Variants in ATP10A observed in about 807,000 individuals in gnomAD.
ATP10A encodes the protein ATPase phospholipid transporting 10A (putative), also known as phospholipid-transporting ATPase VA.
In ATP10A, 111 loss-of-function variants were observed where a neutral mutation model predicts 147.8. The ratio of observed to expected loss-of-function variants is 0.75; its 90% CI spans 0.64 to 0.88. The LOEUF is 0.88. Ranked by LOEUF, ATP10A falls within the 40% of genes least tolerant of loss-of-function variation. The pLI is 0.00. For synonymous variants in ATP10A, 875 were observed against 841.6 expected, an observed-to-expected ratio of 1.04 and a Z score of -0.69; for missense variants, 1,927 against 1,959.0, an observed-to-expected ratio of 0.98 and a Z score of 0.31.
chr15:25,774,783 AC>A (rs1288824538), intron 2 of ATP10A, among the ~76,000 whole-genome samples: 2 of 152,214 alleles, frequency 1.3e-5, no homozygotes, highest in Non-Finnish European at 2.9e-5. Context: ...TAATCATATT[AC>A]CTACAGAACT....
intron 1 of ATP10A, among the ~76,000 whole-genome samples, chr15:25,851,980 A>G (rs1395346036): frequency 6.6e-6 from 1 of 152,238 alleles, no homozygotes. Context: ...TAATGACAGC[A>G]GTTGTAACAG....
chr15:25,766,938 T>C (rs571374926), intron 2 of ATP10A, among the ~76,000 whole-genome samples: 1 of 148,568 alleles, frequency 6.7e-6, no homozygotes, highest in South Asian at 2.1e-4. Flanking sequence ...ATGGGCCCCA[T>C]ATAACTTAAT....
chr15:25,801,147 C>T (rs1263711712), intron 1 of ATP10A, among the ~76,000 whole-genome samples: 1 of 152,170 alleles, frequency 6.6e-6, no homozygotes, highest in East Asian at 1.9e-4. Context: ...TGTGTATTAA[C>T]CCACAGGCTG....
At chr15:25,683,230 T>C in intron 17 of ATP10A, 56 bp downstream of exon 17, 2 of 1,539,024 alleles carry the variant, frequency 1.3e-6, no homozygotes, top group Non-Finnish European at 1.8e-6. Context: ...TTTGGAAGAG[T>C]GAACGTGGAG....
intron 2 of ATP10A, among the ~76,000 whole-genome samples, chr15:25,738,896 C>T (rs1038903523): frequency 6.6e-6 from 1 of 152,118 alleles, no homozygotes; most frequent in African/African-American, 2.4e-5. Flanking sequence ...AGTATCGTGC[C>T]CAAGGTCACA....
rs1370262948 is a variant in ATP10A at position 25,679,885 on chromosome 15, C to T, written c.3956G>A (p.Ser1319Asn). The change falls in exon 21 of 21, where the codon AGT (serine) becomes AAT (asparagine). Residue 1319 changes from serine to asparagine, a missense_variant. By Grantham distance (46) the Ser-to-Asn change is conservative. Transcript: ENST00000555815. ...QLTRKSPRRC[S>N]APKETFAQGR... ...CTGAGCAAAGGTCTCTTTGGGAGCA[C>T]TGCATCTCCTGGGGGACTTCCTGGT... 6.2e-7 allele frequency: 1 copy of T among 1,610,444 alleles called. No homozygotes were observed. Among genetic ancestry groups the T allele is most frequent in the South Asian group, 1.1e-5 (1 of 91,076 alleles).
intron 2 of ATP10A, among the ~76,000 whole-genome samples, chr15:25,742,755 C>T (rs796830757): frequency 1.6e-4 from 24 of 152,310 alleles, no homozygotes; most frequent in African/African-American, 5.3e-4. Flanking sequence ...AGAGTTGTTT[C>T]ACAGAACACC....
chr15:25,803,984 G>A (rs1891054509), intron 1 of ATP10A, among the ~76,000 whole-genome samples: 2 of 152,118 alleles, frequency 1.3e-5, no homozygotes, highest in African/African-American at 4.8e-5. Flanking sequence ...GATGTGAGGT[G>A]TTTGTGATGT....
intron 6 of ATP10A, among the ~76,000 whole-genome samples, chr15:25,723,001 G>T (rs1262892366): frequency 1.3e-5 from 2 of 152,168 alleles, no homozygotes; most frequent in Non-Finnish European, 2.9e-5. Flanking sequence ...AGGAGAAAAA[G>T]CACATTTATG....
At chr15:25,779,773 T>C (rs1180585767) in intron 2 of ATP10A, among the ~76,000 whole-genome samples, 3 of 152,240 alleles carry the variant, frequency 2.0e-5, no homozygotes, top group African/African-American at 7.2e-5. Context: ...TTAATTTTTA[T>C]GTCTGCTTTG....
At chr15:25,800,300 A>C (rs1890878767) in intron 1 of ATP10A, among the ~76,000 whole-genome samples, 1 of 152,096 alleles carries the variant, frequency 6.6e-6, no homozygotes, top group African/African-American at 2.4e-5. Flanking sequence ...TATGTCCTGG[A>C]CAAGATAAGC....
chr15:25,860,303 T>C (rs1893702696), intron 1 of ATP10A, among the ~76,000 whole-genome samples: 1 of 151,990 alleles, frequency 6.6e-6, no homozygotes, highest in Non-Finnish European at 1.5e-5. Context: ...CGTCCCAGAC[T>C]CTTGTCCTGC....
intron 2 of ATP10A, among the ~76,000 whole-genome samples, chr15:25,756,929 T>C (rs1888445559): frequency 6.6e-6 from 1 of 152,190 alleles, no homozygotes; most frequent in Non-Finnish European, 1.5e-5. Flanking sequence ...CTAGTTTAGC[T>C]CAATGTCAAA....
In ATP10A at chr15:25,687,234, G is replaced by A. The variant is rs984502115; in HGVS notation, c.3291+469C>T. On this transcript the variant is annotated intron_variant, in intron 16 of 20. Coordinates refer to ENST00000555815, the MANE Select transcript of ATP10A (RefSeq NM_024490.4). ...ACTTGTGCTTATCATTGGATTTTCC[G>A]TCTACTCTAGAGAAAATGCTGATTA... Among the ~76,000 whole-genome samples the A allele has an allele frequency of 1.2e-4, 18 of 151,374 alleles. 8 individuals are homozygous for A. The highest frequency in any genetic ancestry group is 2.2e-4 in the African/African-American group (9 of 40,962).
chr15:25,726,091 G>C lies in ATP10A; in HGVS notation c.848-9C>G. On this transcript the variant is annotated splice_polypyrimidine_tract_variant and intron_variant, in intron 4 of 20. Transcript: ENST00000555815. Reference sequence around the variant, plus strand: ...AGCCTTGGTTTCATGTCCTGTCGGGGAGGACAAAGAGACATGGCAAGTCAG... The same window carrying C: ...AGCCTTGGTTTCATGTCCTGTCGGGCAGGACAAAGAGACATGGCAAGTCAG... 2 of 1,612,370 alleles carry C rather than the reference G, an allele frequency of 1.2e-6. No individual in the cohort carries two copies. The highest frequency in any genetic ancestry group is 1.7e-6 in the Non-Finnish European group (2 of 1,178,788).
In ATP10A at chr15:25,727,151, C is replaced by G. The variant is rs778458203; in HGVS notation, c.847+9G>C. 6.2e-7 allele frequency: 1 copy of G among 1,610,768 alleles called. No individual in the cohort carries two copies. The highest frequency in any genetic ancestry group is 8.5e-7 in the Non-Finnish European group (1 of 1,176,984). On this transcript the variant is annotated intron_variant, in intron 4 of 20. Coordinates refer to ENST00000555815, the MANE Select transcript of ATP10A (RefSeq NM_024490.4). ...CTGGCGGCAGGTGGTGCCAGGTGCC[C>G]GAGCCTACCTGCGTAGATGACAATG...
At chr15:25,783,647 A>G (rs1890032576) in intron 1 of ATP10A, among the ~76,000 whole-genome samples, 1 of 152,218 alleles carries the variant, frequency 6.6e-6, no homozygotes, top group East Asian at 1.9e-4. Context: ...CTACGTTGGG[A>G]ACAAAGATAC....
intron 17 of ATP10A, among the ~76,000 whole-genome samples, chr15:25,681,801 C>T (rs932876579): frequency 6.6e-6 from 1 of 152,138 alleles, no homozygotes; most frequent in African/African-American, 2.4e-5. Flanking sequence ...CGCCTGTAAT[C>T]CCAGCACTTT....
At chr15:25,788,140 G>A (rs1002945257) in intron 1 of ATP10A, among the ~76,000 whole-genome samples, 9 of 152,326 alleles carry the variant, frequency 5.9e-5, no homozygotes, top group South Asian at 2.1e-4. Context: ...GCACAAAGCC[G>A]CCACACCCTT....
Sources: gnomAD v4.1 joint callset for allele counts (sites outside exome capture counted in the v4.1 genomes callset) on GRCh38, gnomAD v4.1.1 for gene constraint, MANE v1.5 for transcripts, NCBI Gene and HGNC (gene_info 2026-07-23, HGNC 2026-07-21) for gene names.